CARF: variants seen among roughly 807,000 people sequenced by gnomAD.
The protein encoded by CARF is calcium responsive transcription factor.
Under a neutral mutation model 82.0 loss-of-function variants are expected in CARF, and 57 were observed. The observed-to-expected ratio is 0.70, with a 90% CI of 0.56 to 0.87. The LOEUF (loss-of-function observed/expected upper bound fraction) is 0.87, where lower values mean the gene tolerates loss of function less well. CARF is among the 40% of genes least tolerant of loss of function. CARF has a pLI of 0.00. For synonymous variants in CARF, 268 were observed against 290.1 expected (o/e 0.92, Z 0.77); for missense variants, 771 against 855.8 (o/e 0.90, Z 1.24).
At chr2:202,919,589 C>T (rs996830453) in intron 2 of CARF, among the ~76,000 whole-genome samples, 4 of 152,060 alleles carry the variant, frequency 2.6e-5, no homozygotes, top group African/African-American at 4.8e-5. Flanking sequence ...TTGTATGTTA[C>T]GGTACTGCTT....
At chr2:202,916,476 C>T (rs1170555937) in intron 1 of CARF, among the ~76,000 whole-genome samples, 12 of 152,132 alleles carry the variant, frequency 7.9e-5, no homozygotes. Flanking sequence ...CCACCAGCAT[C>T]CCGCCGAGCA....
At chr2:202,940,065 G>C (rs1462412278) in intron 3 of CARF, among the ~76,000 whole-genome samples, 1 of 144,066 alleles carries the variant, frequency 6.9e-6, no homozygotes. Context: ...ACAAAGTCTT[G>C]CTCTGTCACC....
intron 3 of CARF, among the ~76,000 whole-genome samples, chr2:202,926,665 A>G (rs1691885317): frequency 6.6e-6 from 1 of 152,334 alleles, no homozygotes; most frequent in East Asian, 1.9e-4. Flanking sequence ...ATGATATACA[A>G]TACATAGATC....
chr2:202,933,928 C>T (rs1468252956), intron 3 of CARF, among the ~76,000 whole-genome samples: 1 of 151,814 alleles, frequency 6.6e-6, no homozygotes, highest in Non-Finnish European at 1.5e-5. Context: ...ACACAGCTTT[C>T]TTTCCTAATA....
In CARF at chr2:202,983,219, A is replaced by T. The variant is rs569052448; in HGVS notation, c.2060-287A>T. Among the ~76,000 whole-genome samples, 3 of 152,256 alleles carry T rather than the reference A, an allele frequency of 2.0e-5. No individual in the cohort carries two copies. The South Asian group carries it at 6.2e-4, about 32-fold the overall frequency. ...AAAATAAATGTTGAGTTGAAAGGGAACTAGTAAGACTTGGGCATTTAGGTT... is the reference window on the plus strand; with the variant it reads ...AAAATAAATGTTGAGTTGAAAGGGATCTAGTAAGACTTGGGCATTTAGGTT... On this transcript the variant is annotated intron_variant, in intron 16 of 16. Coordinates refer to ENST00000438828, the MANE Select transcript of CARF (RefSeq NM_024744.17).
At position 202,935,101 on chromosome 2, in the gene CARF, A is replaced by AATATATAATT. The variant is rs371181273; in HGVS notation, c.-43-6746_-43-6737dup. 1.9e-3 allele frequency among the ~76,000 whole-genome samples: 264 copies of AATATATAATT among 136,816 alleles called. 1 individual carries two copies. The highest frequency in any genetic ancestry group is 8.4e-3 in the East Asian group (40 of 4,736). The allele number at this position is 136,816 out of a possible 152,430, so 89.8% of individuals were successfully genotyped here. On this transcript the variant is annotated intron_variant, in intron 3 of 16. Coordinates refer to ENST00000438828, the MANE Select transcript of CARF (RefSeq NM_024744.17). ...CAAAAAAAAAATACATATTATATAT[A>AATATATAATT]ATATATAATTATATATAATTATTTA...
intron 12 of CARF, among the ~76,000 whole-genome samples, chr2:202,972,372 T>C (rs967232041): frequency 2.0e-5 from 3 of 151,948 alleles, no homozygotes; most frequent in Non-Finnish European, 2.9e-5. Flanking sequence ...AGTGGTTAAA[T>C]AATTGGCTTA....
chr2:202,933,329 C>T lies in CARF; in HGVS notation c.-43-8531C>T, dbSNP rs537524386. Among the ~76,000 whole-genome samples the T allele has an allele frequency of 1.8e-4, 28 of 152,240 alleles. No individual in the cohort carries two copies. In the Middle Eastern group the frequency reaches 0.014, roughly 74 times the overall value. ...AGCAAGACACACTCCAGCCGTAGTT[C>T]GGATTCCAAGATGACATAGCACAGT... On this transcript the variant is annotated intron_variant, in intron 3 of 16. Coordinates refer to ENST00000438828, the MANE Select transcript of CARF (RefSeq NM_024744.17).
chr2:202,955,955 CTT>C (rs1222125970), intron 8 of CARF, among the ~76,000 whole-genome samples, 197 bp downstream of exon 8: 2 of 152,132 alleles, frequency 1.3e-5, no homozygotes, highest in Non-Finnish European at 2.9e-5. Flanking sequence ...ATATATATCT[CTT>C]TACATTTCAC....
chr2:202,940,776 T>C (rs767751264), intron 3 of CARF, among the ~76,000 whole-genome samples: 4 of 152,138 alleles, frequency 2.6e-5, no homozygotes, highest in Non-Finnish European at 4.4e-5. Flanking sequence ...GTTTCCTCTT[T>C]GTTTATGCTC....
intron 3 of CARF, among the ~76,000 whole-genome samples, chr2:202,930,742 T>C (rs764994574): frequency 5.9e-5 from 9 of 152,088 alleles, no homozygotes; most frequent in Non-Finnish European, 7.4e-5. Flanking sequence ...TTACTAGAGT[T>C]ACAACTCCCT....
intron 1 of CARF, among the ~76,000 whole-genome samples, chr2:202,916,648 G>A (rs1165178879): frequency 6.6e-6 from 1 of 152,066 alleles, no homozygotes; most frequent in African/African-American, 2.4e-5. Context: ...TAAGGTTATT[G>A]GTTGTAACAA....
intron 8 of CARF, among the ~76,000 whole-genome samples, chr2:202,957,591 C>T (rs917084885): frequency 6.6e-6 from 1 of 152,108 alleles, no homozygotes; most frequent in Non-Finnish European, 1.5e-5. Flanking sequence ...TATAAATTAT[C>T]TAATGATTAT....
At chr2:202,951,892 G>C (rs1172070960) in intron 5 of CARF, among the ~76,000 whole-genome samples, 1 of 151,550 alleles carries the variant, frequency 6.6e-6, no homozygotes, top group Non-Finnish European at 1.5e-5. Flanking sequence ...GAGTATAGTG[G>C]CGCGATCTCG....
At chr2:202,943,223 G>A (rs1489153065) in intron 5 of CARF, among the ~76,000 whole-genome samples, 1 of 151,790 alleles carries the variant, frequency 6.6e-6, no homozygotes, top group Non-Finnish European at 1.5e-5. Flanking sequence ...AGGTGCCCAC[G>A]ACCACACCTG....
intron 10 of CARF, among the ~76,000 whole-genome samples, chr2:202,969,452 G>A (rs951924475): frequency 6.6e-6 from 1 of 152,096 alleles, no homozygotes; most frequent in African/African-American, 2.4e-5. Flanking sequence ...GCACATGCCT[G>A]TAATCCCAGC....
intron 1 of CARF, among the ~76,000 whole-genome samples, chr2:202,914,216 T>C (rs1351565174): frequency 4.6e-5 from 7 of 152,208 alleles, no homozygotes; most frequent in African/African-American, 1.7e-4. Flanking sequence ...TGGAGACACA[T>C]TGTTATCTGG....
intron 5 of CARF, among the ~76,000 whole-genome samples, chr2:202,946,410 A>G (rs547467799): frequency 6.6e-6 from 1 of 152,222 alleles, no homozygotes; most frequent in East Asian, 1.9e-4. Context: ...AGGATTCTCT[A>G]TTTAATAAAT....
intron 13 of CARF, among the ~76,000 whole-genome samples, chr2:202,975,080 G>A (rs1460057106): frequency 6.6e-6 from 1 of 151,698 alleles, no homozygotes; most frequent in Non-Finnish European, 1.5e-5. Context: ...GGAGGCCGAG[G>A]CGGGCAGATC....
Sources: gnomAD v4.1 joint callset for allele counts (sites outside exome capture counted in the v4.1 genomes callset) on GRCh38, gnomAD v4.1.1 for gene constraint, MANE v1.5 for transcripts, NCBI Gene and HGNC (gene_info 2026-07-23, HGNC 2026-07-21) for gene names.